The following CNTN5 variants were observed in gnomAD, a reference collection of about 807,000 sequenced individuals.
CNTN5 encodes the protein contactin 5.
In CNTN5, 77 loss-of-function variants were observed where a neutral mutation model predicts 129.1. The observed-to-expected ratio is 0.60, with a 90% confidence interval of 0.50 to 0.72. The LOEUF (loss-of-function observed/expected upper bound fraction) is 0.72, where lower values mean the gene tolerates loss of function less well. Among genes scored for constraint, CNTN5 ranks in the 30% least tolerant of loss-of-function variants. The probability of loss-of-function intolerance (pLI) is 0.00; values close to 1 mark genes in which losing one functional copy is unlikely to be tolerated. For missense variants in CNTN5, 1,478 were observed against 1,328.8 expected (o/e 1.11, Z -1.75); for synonymous variants, 509 against 465.6 (o/e 1.09, Z -1.20).
chr11:100,356,095 T>A, intron 24 of CNTN5, 22 bp from the exon 25 acceptor site: 1 of 1,553,796 alleles, frequency 6.4e-7, no homozygotes, highest in Non-Finnish European at 8.8e-7. Context: ...ATTTGCTCCA[T>A]TTGATGCTTC....
At chr11:100,073,891 T>C (rs1944025828) in intron 12 of CNTN5, among the ~76,000 whole-genome samples, 1 of 152,100 alleles carries the variant, frequency 6.6e-6, no homozygotes, top group Non-Finnish European at 1.5e-5. Context: ...TAATCATAAT[T>C]AGAACATGTC....
intron 16 of CNTN5, among the ~76,000 whole-genome samples, chr11:100,226,357 A>G (rs756004197): frequency 2.8e-4 from 42 of 152,146 alleles, no homozygotes; most frequent in Non-Finnish European, 5.3e-4. Flanking sequence ...CACAATTTAG[A>G]GACTGATAAG....
At chr11:99,062,961 GA>G (rs1195272566) in intron 1 of CNTN5, among the ~76,000 whole-genome samples, 1 of 151,996 alleles carries the variant, frequency 6.6e-6, no homozygotes, top group Non-Finnish European at 1.5e-5. Flanking sequence ...CTTTACTGAT[GA>G]AATAAAAGAA....
chr11:99,820,514 C>T (rs373458440), intron 4 of CNTN5, among the ~76,000 whole-genome samples: 3,227 of 150,578 alleles, frequency 0.021, no homozygotes, highest in Admixed American at 0.074. Flanking sequence ...GTTTGAATAA[C>T]ATTTTCTAGA....
intron 2 of CNTN5, among the ~76,000 whole-genome samples, chr11:99,505,446 G>T (rs1051224572): frequency 6.6e-6 from 1 of 152,188 alleles, no homozygotes; most frequent in African/African-American, 2.4e-5. Flanking sequence ...AAACAAGTAT[G>T]ATGTGGGAAG....
chr11:99,276,805 T>C (rs1863457913), intron 1 of CNTN5, among the ~76,000 whole-genome samples: 3 of 151,506 alleles, frequency 2.0e-5, no homozygotes, highest in African/African-American at 7.3e-5. Flanking sequence ...TTCTATCAAG[T>C]TTTATGTCAT....
Position 99,740,714 on chromosome 11 carries a change from T to C in CNTN5, c.56-78830T>C, listed in dbSNP as rs74433961. Among the ~76,000 whole-genome samples, 650 of 152,286 alleles carry C rather than the reference T, an allele frequency of 4.3e-3. 1 individual carries two copies. The highest frequency in any genetic ancestry group is 6.8e-3 in the Non-Finnish European group (463 of 68,012). On this transcript the variant is annotated intron_variant, in intron 3 of 24. Coordinates refer to ENST00000524871, the MANE Select transcript of CNTN5 (RefSeq NM_014361.4). The stretch of plus-strand genomic sequence containing the variant: ...CACCATCAGAGGTTGCAGCAACTCA[T>C]TCAGTGATACATATTTGCTGGATAT...
At chr11:100,276,527 C>CA (rs56774234) in intron 18 of CNTN5, among the ~76,000 whole-genome samples, 852 of 69,718 alleles carry the variant, frequency 0.012, 6 homozygotes, top group African/African-American at 0.014. Flanking sequence ...GAGACTCTCT[C>CA]AAAAAAAAAA....
At chr11:99,231,466 C>T (rs552105784) in intron 1 of CNTN5, among the ~76,000 whole-genome samples, 13 of 152,168 alleles carry the variant, frequency 8.5e-5, no homozygotes, top group Middle Eastern at 3.4e-3. Flanking sequence ...AATGTCTGTC[C>T]GTGTCCTTTG....
In CNTN5 at chr11:99,024,947, A is replaced by G. The variant is rs531520765; in HGVS notation, c.-210+3677A>G. On this transcript the variant is annotated intron_variant, in intron 1 of 24. Transcript: ENST00000524871. The stretch of plus-strand genomic sequence containing the variant: ...ACTGCCATTTTTAAACGTTTCAGAA[A>G]ATGTTTCATTAGATACATTTTAAAA... Among the ~76,000 whole-genome samples the G allele has an allele frequency of 1.4e-4, 22 of 152,092 alleles. No homozygotes were observed. The Middle Eastern group carries it at 0.01, about 71-fold the overall frequency.
At chr11:100,333,898 C>A (rs1029474049) in intron 21 of CNTN5, among the ~76,000 whole-genome samples, 1 of 152,038 alleles carries the variant, frequency 6.6e-6, no homozygotes, top group Non-Finnish European at 1.5e-5. Context: ...ACCAAGAAAC[C>A]AAAAGCAAAT....
chr11:99,656,084 G>C (rs957031317), intron 3 of CNTN5, among the ~76,000 whole-genome samples: 10 of 152,050 alleles, frequency 6.6e-5, no homozygotes, highest in African/African-American at 2.2e-4. Context: ...AAGTGTGTGT[G>C]TTATTGTGGA....
intron 1 of CNTN5, among the ~76,000 whole-genome samples, chr11:99,033,884 A>G (rs1277482745): frequency 6.6e-6 from 1 of 150,848 alleles, no homozygotes; most frequent in Non-Finnish European, 1.5e-5. Flanking sequence ...TTGCCCATTC[A>G]GTATGATATT....
intron 2 of CNTN5, among the ~76,000 whole-genome samples, chr11:99,533,991 A>G (rs1237044993): frequency 6.6e-6 from 1 of 152,158 alleles, no homozygotes; most frequent in African/African-American, 2.4e-5. Flanking sequence ...ATTAATTTTT[A>G]CCTTTTAATG....
At chr11:99,459,824 C>G (rs1396065194) in intron 2 of CNTN5, among the ~76,000 whole-genome samples, 1 of 151,748 alleles carries the variant, frequency 6.6e-6, no homozygotes, top group African/African-American at 2.4e-5. Flanking sequence ...GAACTGGTAA[C>G]AAAAGGGCTT....
chr11:99,484,368 A>C (rs997640288), intron 2 of CNTN5, among the ~76,000 whole-genome samples: 1 of 152,162 alleles, frequency 6.6e-6, no homozygotes, highest in Non-Finnish European at 1.5e-5. Flanking sequence ...TATCCAAAAG[A>C]CAAAAAATAA....
At chr11:99,804,734 C>T (rs1206176509) in intron 3 of CNTN5, among the ~76,000 whole-genome samples, 1 of 151,034 alleles carries the variant, frequency 6.6e-6, no homozygotes, top group Non-Finnish European at 1.5e-5. Flanking sequence ...AATGTATATA[C>T]TAAATGTGTT....
chr11:99,072,926 T>C (rs770741460), intron 1 of CNTN5, among the ~76,000 whole-genome samples: 12 of 152,198 alleles, frequency 7.9e-5, no homozygotes, highest in Non-Finnish European at 1.3e-4. Context: ...ATTTGACTTC[T>C]ATCACTCTAT....
intron 2 of CNTN5, among the ~76,000 whole-genome samples, chr11:99,504,944 CA>C (rs1946563601): frequency 6.6e-6 from 1 of 152,116 alleles, no homozygotes; most frequent in Admixed American, 6.5e-5. Flanking sequence ...ATGTAAAAAG[CA>C]GGGGAAAGAG....
Sources: allele counts gnomAD v4.1 joint callset (sites outside exome capture counted in the v4.1 genomes callset), GRCh38; gene constraint gnomAD v4.1.1; transcripts MANE v1.5; gene names NCBI Gene and HGNC (gene_info 2026-07-23, HGNC 2026-07-21).